Variants in AK8 observed in about 807,000 individuals in gnomAD.
AK8 encodes the protein adenylate kinase 8.
Under a neutral mutation model 54.6 loss-of-function variants are expected in AK8, and 44 were observed. The ratio of observed to expected loss-of-function variants is 0.81; its 90% CI spans 0.63 to 1.04. AK8 has a LOEUF of 1.04. AK8 is among the 50% of genes least tolerant of loss of function. AK8 has a pLI of 0.00. For missense variants in AK8, 555 were observed against 613.6 expected (o/e 0.90, Z 1.01); for synonymous variants, 239 against 245.6 (o/e 0.97, Z 0.25).
chr9:132,752,136 C>T (rs1023861965), intron 11 of AK8, among the ~76,000 whole-genome samples: 2 of 76,540 alleles, frequency 2.6e-5, no homozygotes, highest in Non-Finnish European at 5.5e-5. Flanking sequence ...GCCACCGTGC[C>T]CAGCCAAGAC....
At chr9:132,820,800 A>G (rs937956938) in intron 9 of AK8, among the ~76,000 whole-genome samples, 2 of 152,224 alleles carry the variant, frequency 1.3e-5, no homozygotes, top group Non-Finnish European at 2.9e-5. Context: ...GATTAGAACC[A>G]GGCGAGCGGA....
rs75563882 is a variant in AK8 at position 132,818,916 on chromosome 9, G to T, written c.890-4189C>A. On this transcript the variant is annotated intron_variant, in intron 9 of 12. Transcript: ENST00000298545. ...ACACATAGTTAGACTATAAGACACA[G>T]ATAGTTTAAAAGAAAAAGAATAGAA... is the stretch of plus-strand genomic sequence containing the variant. 9.5e-4 allele frequency among the ~76,000 whole-genome samples: 144 copies of T among 151,594 alleles called. 2 individuals carry two copies. In the East Asian group the frequency reaches 0.016, roughly 17 times the overall value.
At chr9:132,778,030 G>A (rs936467893) in intron 11 of AK8, among the ~76,000 whole-genome samples, 11 of 152,224 alleles carry the variant, frequency 7.2e-5, no homozygotes, top group African/African-American at 2.4e-4. Flanking sequence ...CGGCCCATGC[G>A]ACAAAATCAG....
chr9:132,784,163 G>C (rs554064171), intron 11 of AK8, among the ~76,000 whole-genome samples: 3 of 152,162 alleles, frequency 2.0e-5, no homozygotes, highest in Non-Finnish European at 2.9e-5. Context: ...GAAAGAGAAG[G>C]GGGTAGGGGA....
intron 2 of AK8, among the ~76,000 whole-genome samples, chr9:132,871,759 G>A (rs570139954): frequency 6.6e-5 from 10 of 152,236 alleles, no homozygotes; most frequent in Admixed American, 5.2e-4. Flanking sequence ...CGGATGAAGG[G>A]AAAGGGGCGC....
chr9:132,826,947 A>G lies in AK8; in HGVS notation c.664T>C (p.Tyr222His), dbSNP rs1463182266. The G allele has an allele frequency of 1.2e-6, 2 of 1,613,866 alleles. No homozygotes were observed. Among genetic ancestry groups the G allele is most frequent in the East Asian group, 2.2e-5 (1 of 44,862 alleles). Residue 222 changes from tyrosine (Y) to histidine (H), a missense_variant, in exon 8 of 13, where the codon TAT becomes CAT. By Grantham distance (83) the Tyr-to-His change is moderately conservative. Transcript: ENST00000298545. This position sits in a 1 kb window ranked among gnomAD's most constrained non-coding sequence, Gnocchi z 4.5. ...ATGACCCTGACGATGTTCCTATGATACTCCAGCAGTTTCTGAGCCGTCTCC... is the reference window on the plus strand; with the variant it reads ...ATGACCCTGACGATGTTCCTATGATGCTCCAGCAGTTTCTGAGCCGTCTCC... ...ELETAQKLLE[Y>H]HRNIVRVIPS...
rs991011610 is a variant in AK8 at position 132,823,270 on chromosome 9, C to A, written c.824G>T (p.Gly275Val). ...APFTPRVLLLGPVGSGKSLQA... is the reference protein window; with the variant it reads ...APFTPRVLLLVPVGSGKSLQA... ...CAGACTTTTCCCACTGCCCACAGGC[C>A]CGAGCAGCAGCACCCTCGGGGTGAA... The change falls in exon 9 of 13, where the codon GGG becomes GTG. Residue 275 changes from glycine (G) to valine (V), a missense_variant. By Grantham distance (109) the Gly-to-Val change is moderately radical. Transcript: ENST00000298545. 5.0e-6 allele frequency: 8 copies of A among 1,611,986 alleles called. No individual in the cohort carries two copies. The highest frequency in any genetic ancestry group is 6.8e-6 in the Non-Finnish European group (8 of 1,179,154).
intron 5 of AK8, among the ~76,000 whole-genome samples, chr9:132,830,438 T>C (rs1274051302): frequency 6.6e-6 from 1 of 152,246 alleles, no homozygotes; most frequent in Non-Finnish European, 1.5e-5. Flanking sequence ...GGGCATTATC[T>C]AGGGGAAAAA....
At chr9:132,825,265 AAC>A (rs994283152) in intron 8 of AK8, among the ~76,000 whole-genome samples, 6 of 152,230 alleles carry the variant, frequency 3.9e-5, no homozygotes, top group African/African-American at 1.4e-4. Context: ...TTAGAAAAAC[AAC>A]ACAGAGAGAA....
intron 10 of AK8, among the ~76,000 whole-genome samples, chr9:132,797,507 G>T (rs561586697): frequency 1.3e-5 from 2 of 152,206 alleles, no homozygotes; most frequent in East Asian, 3.9e-4. Context: ...ACCCACTCGT[G>T]AATTAAATAT....
chr9:132,732,817 C>A (rs1836911988), intron 11 of AK8, among the ~76,000 whole-genome samples: 1 of 152,170 alleles, frequency 6.6e-6, no homozygotes, highest in Admixed American at 6.5e-5. Context: ...CACCTCTTCT[C>A]TTGCCTAGGC....
At chr9:132,753,066 C>A (rs1163107275) in intron 11 of AK8, among the ~76,000 whole-genome samples, 1 of 152,196 alleles carries the variant, frequency 6.6e-6, no homozygotes, top group East Asian at 1.9e-4. Flanking sequence ...AAGTCCTTCC[C>A]TTACTACTAG....
chr9:132,730,452 T>TC (rs1554780918), intron 11 of AK8, among the ~76,000 whole-genome samples: 17 of 150,724 alleles, frequency 1.1e-4, no homozygotes, highest in Middle Eastern at 3.4e-3. Flanking sequence ...TTTTTTTTTT[T>TC]CCATCCTTGC....
At chr9:132,820,394 G>C (rs1323868846) in intron 9 of AK8, among the ~76,000 whole-genome samples, 1 of 152,124 alleles carries the variant, frequency 6.6e-6, no homozygotes, top group Non-Finnish European at 1.5e-5. Flanking sequence ...ATTTAGCCAT[G>C]TATCACTGAC....
rs1279290319 is a variant in AK8, at chr9:132,823,255, C to T, written c.839G>A (p.Gly280Glu). The stretch of plus-strand genomic sequence containing the variant: ...CAGGAGGGCGGCCTGCAGACTTTTC[C>T]CACTGCCCACAGGCCCGAGCAGCAG... ...RVLLLGPVGSGKSLQAALLAQ... is the reference protein window; with the variant it reads ...RVLLLGPVGSEKSLQAALLAQ... Residue 280 changes from glycine to glutamate, a missense_variant, in exon 9 of 13, where the codon GGG (glycine) becomes GAG (glutamate). By Grantham distance (98) the Gly-to-Glu change is moderately conservative. Transcript: ENST00000298545. 3.1e-6 allele frequency: 5 copies of T among 1,606,936 alleles called. No homozygotes were observed. The highest frequency in any genetic ancestry group is 4.2e-6 in the Non-Finnish European group (5 of 1,177,218).
At chr9:132,733,063 T>A (rs892328097) in intron 11 of AK8, among the ~76,000 whole-genome samples, 3 of 152,152 alleles carry the variant, frequency 2.0e-5, no homozygotes, top group Non-Finnish European at 2.9e-5. Context: ...TGGTGCCTGA[T>A]GAAAACTGCA....
rs1843338834 is a variant in AK8 at position 132,860,428 on chromosome 9, C to T, written c.333+3237G>A. On this transcript the variant is annotated intron_variant, in intron 4 of 12. Transcript: ENST00000298545. The surrounding 1 kb of genome is among the most constrained non-coding windows in gnomAD (Gnocchi z 4.4). ...GGCTGTTTACTCAGAGCTTGCTGGG[C>T]AAGGGAGTCAGCCAGCATCGTTCAC... 6.6e-6 allele frequency among the ~76,000 whole-genome samples: 1 copy of T among 152,210 alleles called. No individual in the cohort carries two copies. Among genetic ancestry groups the T allele is most frequent in the Non-Finnish European group, 1.5e-5 (1 of 68,036 alleles).
intron 10 of AK8, among the ~76,000 whole-genome samples, chr9:132,798,871 C>T (rs547203737): frequency 8.3e-4 from 127 of 152,236 alleles, no homozygotes; most frequent in African/African-American, 3.0e-3. Context: ...CACTCCCCAC[C>T]GCGGGCCCGT....
At chr9:132,819,918 AGAGGCT>A (rs1189763499) in intron 9 of AK8, among the ~76,000 whole-genome samples, 1 of 152,132 alleles carries the variant, frequency 6.6e-6, no homozygotes, top group Non-Finnish European at 1.5e-5. Context: ...AAAAGAAACC[AGAGGCT>A]GAGGTGGGAG....
Sources: gnomAD v4.1 joint callset for allele counts (sites outside exome capture counted in the v4.1 genomes callset) on GRCh38, gnomAD v4.1.1 for gene constraint, Gnocchi (gnomAD v3.1) non-coding constraint, MANE v1.5 for transcripts, NCBI Gene and HGNC (gene_info 2026-07-23, HGNC 2026-07-21) for gene names.